GALNT13: variants seen among roughly 807,000 people sequenced by gnomAD.
The protein encoded by GALNT13 is UDP-GalNAc:polypeptide N-acetylgalactosaminyltransferase 13.
Under a neutral mutation model 64.2 loss-of-function variants are expected in GALNT13, and 28 were observed. The ratio of observed to expected loss-of-function variants is 0.44; its 90% CI spans 0.32 to 0.60. The LOEUF (loss-of-function observed/expected upper bound fraction) is 0.60, where lower values mean the gene tolerates loss of function less well. Among genes scored for constraint, GALNT13 ranks in the 20% least tolerant of loss-of-function variants. The pLI, the probability that GALNT13 is intolerant of heterozygous loss-of-function variation, is 0.05. For missense variants in GALNT13, 577 were observed against 669.8 expected, an observed-to-expected ratio of 0.86 and a Z score of 1.53; for synonymous variants, 214 against 224.6, an observed-to-expected ratio of 0.95 and a Z score of 0.42.
intron 2 of GALNT13, among the ~76,000 whole-genome samples, chr2:153,943,579 C>T (rs1016719515): frequency 6.6e-6 from 1 of 151,994 alleles, no homozygotes; most frequent in Admixed American, 6.6e-5. Context: ...ACTGCAACCT[C>T]CACCTACCAG....
At chr2:154,454,465 C>A (rs1278973898), downstream of GALNT13, 1 of 152,038 alleles carries the variant, frequency 6.6e-6, no homozygotes, top group Non-Finnish European at 1.5e-5. Context: ...AACTGCGAGA[C>A]CAGCCTGGCC....
At chr2:153,126,313 TA>T in the GALNT13 span, among the ~76,000 whole-genome samples, 3 of 15,160 alleles carry the variant, frequency 2.0e-4, no homozygotes, top group Non-Finnish European at 1.6e-4. Flanking sequence ...TATATATATA[TA>T]TATATATATA....
chr2:153,848,726 C>G, the GALNT13 span, among the ~76,000 whole-genome samples: 1 of 151,962 alleles, frequency 6.6e-6, no homozygotes, highest in East Asian at 1.9e-4. Flanking sequence ...AATATACAAA[C>G]TTTTAAAAAA....
chr2:154,228,792 T>G (rs1688764346), intron 4 of GALNT13, among the ~76,000 whole-genome samples: 1 of 152,142 alleles, frequency 6.6e-6, no homozygotes, highest in Admixed American at 6.6e-5. Context: ...CAGGATGTGG[T>G]GATCTGGTGA....
intron 3 of GALNT13, among the ~76,000 whole-genome samples, chr2:154,117,865 G>T (rs1386639445): frequency 6.6e-6 from 1 of 152,156 alleles, no homozygotes; most frequent in Non-Finnish European, 1.5e-5. Flanking sequence ...TTAAATCTAA[G>T]ACCTGAAACT....
At chr2:153,106,828 G>A in the GALNT13 span, among the ~76,000 whole-genome samples, 1 of 152,100 alleles carries the variant, frequency 6.6e-6, no homozygotes, top group Non-Finnish European at 1.5e-5. Flanking sequence ...TTTGTTATAA[G>A]CTCTGGGACT....
chr2:153,103,002 A>G, the GALNT13 span, among the ~76,000 whole-genome samples: 3 of 152,024 alleles, frequency 2.0e-5, no homozygotes, highest in Admixed American at 6.6e-5. Context: ...CCAGGGTATT[A>G]ATGCTGAAAC....
intron 2 of GALNT13, among the ~76,000 whole-genome samples, chr2:153,920,131 C>A (rs903994572): frequency 6.6e-6 from 1 of 151,378 alleles, no homozygotes; most frequent in African/African-American, 2.4e-5. Flanking sequence ...GATGTTTTTG[C>A]TATTAGTAGG....
At chr2:154,354,222 G>A (rs1696583775) in intron 9 of GALNT13, among the ~76,000 whole-genome samples, 1 of 151,954 alleles carries the variant, frequency 6.6e-6, no homozygotes, top group East Asian at 1.9e-4. Context: ...TTCTGTTCAG[G>A]TCTTTTGCAC....
rs1283134452 is a variant in GALNT13, at chr2:153,872,170, GT to G, written c.-308del. On this transcript the variant is annotated 5_prime_UTR_variant, in exon 1 of 13. Transcript: ENST00000392825. ...GCGCGGCGCTCGCGGGCCGGCGCGG[GT>G]TCCAGGTGAGCGCGGACTCGGCGAG... 1 of 151,088 alleles carries G rather than the reference GT, an allele frequency of 6.6e-6. No individual in the cohort carries two copies. Among genetic ancestry groups the G allele is most frequent in the African/African-American group, 2.4e-5 (1 of 41,164 alleles). The allele number at this position is 151,088 out of a possible 1,614,324, so 9.4% of individuals were successfully genotyped here. A position where few individuals can be genotyped will look rare whatever the true frequency, so the allele number is the denominator to read the frequency against.
the GALNT13 span, among the ~76,000 whole-genome samples, chr2:153,706,018 G>A: frequency 2.6e-5 from 4 of 151,194 alleles, no homozygotes; most frequent in African/African-American, 9.7e-5. Flanking sequence ...TTTTTTTTGA[G>A]ACAGAGCCTA....
the GALNT13 span, among the ~76,000 whole-genome samples, chr2:153,806,264 A>G: frequency 1.3e-5 from 2 of 152,076 alleles, no homozygotes; most frequent in African/African-American, 4.8e-5. Flanking sequence ...TCAGAAGGAG[A>G]CAATTTGAAG....
chr2:153,525,151 A>G, the GALNT13 span, among the ~76,000 whole-genome samples: 1 of 152,190 alleles, frequency 6.6e-6, no homozygotes, highest in Non-Finnish European at 1.5e-5. Context: ...CCTTGGCCAG[A>G]AGGGAATCCA....
At chr2:153,785,688 G>A in the GALNT13 span, among the ~76,000 whole-genome samples, 2 of 152,058 alleles carry the variant, frequency 1.3e-5, no homozygotes, top group Non-Finnish European at 2.9e-5. Context: ...GCTGCCATAA[G>A]CTTGGGGGCC....
chr2:154,377,805 T>C (rs1252806940), intron 9 of GALNT13, among the ~76,000 whole-genome samples: 2 of 152,092 alleles, frequency 1.3e-5, no homozygotes, highest in Non-Finnish European at 2.9e-5. Context: ...AAGATTATGA[T>C]AGTAGCTGAG....
chr2:153,122,322 A>C, the GALNT13 span, among the ~76,000 whole-genome samples: 14 of 152,064 alleles, frequency 9.2e-5, no homozygotes, highest in Non-Finnish European at 4.4e-5. Flanking sequence ...GGCATGAACA[A>C]ATTTTTGTTG....
the GALNT13 span, among the ~76,000 whole-genome samples, chr2:153,630,790 TA>T: frequency 1.7e-4 from 2 of 11,764 alleles, no homozygotes; most frequent in African/African-American, 2.9e-4. Context: ...TATATATATA[TA>T]TATATATATA....
intron 3 of GALNT13, among the ~76,000 whole-genome samples, chr2:153,955,348 A>C (rs1250860769): frequency 6.6e-6 from 1 of 152,218 alleles, no homozygotes; most frequent in Non-Finnish European, 1.5e-5. Context: ...AACTTGAATA[A>C]GAGTTAAGAG....
At chr2:153,266,647 C>G in the GALNT13 span, among the ~76,000 whole-genome samples, 151 of 152,196 alleles carry the variant, frequency 9.9e-4, 1 homozygote, top group African/African-American at 3.5e-3. Flanking sequence ...AACTCACTCA[C>G]TATCATGAGA....
Sources: gnomAD v4.1 joint callset for allele counts (sites outside exome capture counted in the v4.1 genomes callset) on GRCh38, gnomAD v4.1.1 for gene constraint, MANE v1.5 for transcripts, NCBI Gene and HGNC (gene_info 2026-07-23, HGNC 2026-07-21) for gene names.